ACRV1: variants seen among roughly 807,000 people sequenced by gnomAD.
ACRV1 encodes the protein acrosomal protein SP-10.
In ACRV1, 17 loss-of-function variants were observed where a neutral mutation model predicts 29.2. The ratio of observed to expected loss-of-function variants is 0.58; its 90% CI spans 0.40 to 0.87. The LOEUF (loss-of-function observed/expected upper bound fraction) is 0.87, where lower values mean the gene tolerates loss of function less well. Ranked by LOEUF, ACRV1 falls within the 40% of genes least tolerant of loss-of-function variation. ACRV1 has a pLI of 0.00. For synonymous variants in ACRV1, 98 were observed against 111.6 expected (o/e 0.88, Z 0.77); for missense variants, 294 against 316.0 (o/e 0.93, Z 0.53).
In ACRV1 at chr11:125,677,834, T is replaced by C. The variant is rs780614266; in HGVS notation, c.516A>G (p.Glu172=). The change falls in exon 2 of 4, where the codon GAA becomes GAG. Residue 172 remains glutamate, a synonymous_variant. Coordinates refer to ENST00000533904, the MANE Select transcript of ACRV1 (RefSeq NM_001612.6). ...TTGAAATTGGTGCACCTGAAGCCTG[T>C]TCCCCTGAAGCGTGCTCACCTGAAG... ...EQPSGEHASG[E]QASGAPISST... is the part of the protein sequence containing the mutation. 4.3e-6 allele frequency: 7 copies of C among 1,614,016 alleles called. No homozygotes were observed. The African/African-American group carries it at 9.3e-5, about 22-fold the overall frequency.
At chr11:125,674,683 T>C (rs1220050476) in intron 3 of ACRV1, among the ~76,000 whole-genome samples, 2 of 152,196 alleles carry the variant, frequency 1.3e-5, no homozygotes, top group African/African-American at 4.8e-5. Flanking sequence ...TTGACCAACC[T>C]GGATGGGCTA....
At chr11:125,673,935 G>A (rs1476097961) in intron 3 of ACRV1, among the ~76,000 whole-genome samples, 3 of 152,158 alleles carry the variant, frequency 2.0e-5, no homozygotes, top group East Asian at 3.8e-4. Flanking sequence ...GAGGCAGGTG[G>A]ATCACTTGAG....
intron 3 of ACRV1, 57 bp downstream of exon 3, chr11:125,676,302 C>T (rs1942503996): frequency 6.3e-7 from 1 of 1,598,914 alleles, no homozygotes; most frequent in Non-Finnish European, 8.6e-7. Context: ...CTGCCCCCTA[C>T]CAGAAGTAAG....
At position 125,671,884 on chromosome 11, in the gene ACRV1, C is replaced by T. The variant is rs113969301; in HGVS notation, c.*709G>A. 5 of 152,072 alleles carry T rather than the reference C, an allele frequency of 3.3e-5. No homozygotes were observed. Among genetic ancestry groups the T allele is most frequent in the African/African-American group, 1.2e-4 (5 of 41,394 alleles). 9.4% of individuals were successfully genotyped at this position (152,072 alleles called of 1,614,324 possible). On this transcript the variant is annotated 3_prime_UTR_variant, in exon 4 of 4. Transcript: ENST00000533904. Reference sequence around the variant, plus strand: ...AGAACATAACACTTATATGAGGGACCGTTTAGTATTTCCATTTGCCCTCCT... The same window carrying T: ...AGAACATAACACTTATATGAGGGACTGTTTAGTATTTCCATTTGCCCTCCT...
Position 125,680,731 on chromosome 11 carries a change from C to T in ACRV1, c.50G>A (p.Arg17Lys). 6.2e-7 allele frequency: 1 copy of T among 1,613,596 alleles called. No homozygotes were observed. Residue 17 changes from arginine to lysine, a missense_variant and splice_region_variant, in exon 1 of 4, where the codon AGA becomes AAA. Coordinates refer to ENST00000533904, the MANE Select transcript of ACRV1 (RefSeq NM_001612.6). ...TGAAGCCTAGATCAAACACTCACCTCTGGCAGATCCAAGCAGATAAAGACT... is the reference window on the plus strand; with the variant it reads ...TGAAGCCTAGATCAAACACTCACCTTTGGCAGATCCAAGCAGATAAAGACT... ...LMSLYLLGSA[R>K]GTSSQPNELS...
At chr11:125,673,558 A>G (rs2134106545) in intron 3 of ACRV1, among the ~76,000 whole-genome samples, 1 of 152,228 alleles carries the variant, frequency 6.6e-6, no homozygotes, top group South Asian at 2.1e-4. Context: ...CCCACTGCTC[A>G]TCTACTCCTC....
chr11:125,677,424 G>A (rs1351287034), intron 2 of ACRV1, among the ~76,000 whole-genome samples: 1 of 152,188 alleles, frequency 6.6e-6, no homozygotes, highest in Non-Finnish European at 1.5e-5. Context: ...TTCTAACATG[G>A]TTTAAGAGGC....
intron 1 of ACRV1, among the ~76,000 whole-genome samples, chr11:125,678,613 G>T (rs1565397207): frequency 6.6e-6 from 1 of 152,024 alleles, no homozygotes; most frequent in East Asian, 1.9e-4. Flanking sequence ...AAATGAATGT[G>T]CCTCCCTGAC....
chr11:125,676,504 A>T, intron 2 of ACRV1, 26 bp from the exon 3 acceptor site: 1 of 1,613,770 alleles, frequency 6.2e-7, no homozygotes, highest in Non-Finnish European at 8.5e-7. Flanking sequence ...AAGCCTGATG[A>T]CATTTCCTTG....
intron 3 of ACRV1, 98 bp downstream of exon 3, chr11:125,676,261 T>A: frequency 1.4e-6 from 2 of 1,451,478 alleles, no homozygotes; most frequent in Non-Finnish European, 1.9e-6. Context: ...TTCAAGTTCC[T>A]TGATTCTTTC....
Position 125,672,611 on chromosome 11 carries a change from A to G in ACRV1, c.780T>C (p.Ser260=). 6.2e-7 allele frequency: 1 copy of G among 1,614,124 alleles called. No individual in the cohort carries two copies. The highest frequency in any genetic ancestry group is 8.5e-7 in the Non-Finnish European group (1 of 1,180,016). Residue 260 remains serine, a synonymous_variant, in exon 4 of 4, where the codon TCT becomes TCC. Transcript: ENST00000533904. ...CAGGCTTCTAGATCTTATTGCAGAA[A>G]GATTGATTTCGACAGCATATAATTT... is the stretch of plus-strand genomic sequence containing the variant. ...RMQIICCRNQ[S]FCNKI
intron 3 of ACRV1, 128 bp from the exon 4 acceptor site, chr11:125,672,845 C>G: frequency 8.4e-7 from 1 of 1,195,712 alleles, no homozygotes; most frequent in South Asian, 1.9e-5. Context: ...CCTTCTCTTT[C>G]TCTTCTATTT....
intron 2 of ACRV1, 92 bp downstream of exon 2, chr11:125,677,705 T>C: frequency 6.6e-7 from 1 of 1,523,254 alleles, no homozygotes; most frequent in Non-Finnish European, 9.0e-7. Flanking sequence ...AATTCTTTCT[T>C]CTGCACTCCT....
chr11:125,676,931 G>GTC (rs149711765), intron 2 of ACRV1, among the ~76,000 whole-genome samples: 12,017 of 151,592 alleles, frequency 0.079, 565 homozygotes, highest in African/African-American at 0.13. Flanking sequence ...CCTGTGAAGA[G>GTC]TGTGTCCTTC....
At chr11:125,680,687 G>A in intron 1 of ACRV1, 42 bp downstream of exon 1, 1 of 1,566,668 alleles carries the variant, frequency 6.4e-7, no homozygotes, top group Non-Finnish European at 8.8e-7. Flanking sequence ...TCTTAAGGGA[G>A]ACCCCTTTTG....
intron 1 of ACRV1, among the ~76,000 whole-genome samples, chr11:125,679,144 A>G (rs1942671243): frequency 6.7e-6 from 1 of 148,692 alleles, no homozygotes; most frequent in African/African-American, 2.5e-5. Context: ...CCCACCTTAC[A>G]CTGGGAATTA....
chr11:125,673,809 G>T (rs1942337258), intron 3 of ACRV1, among the ~76,000 whole-genome samples: 1 of 152,066 alleles, frequency 6.6e-6, no homozygotes, highest in South Asian at 2.1e-4. Context: ...AATTTGTTGT[G>T]AAGGTCTGTC....
chr11:125,676,566 G>T, intron 2 of ACRV1, 88 bp from the exon 3 acceptor site: 1 of 1,484,462 alleles, frequency 6.7e-7, no homozygotes, highest in Non-Finnish European at 9.3e-7. Flanking sequence ...ATGGGCAATA[G>T]GTAGCATGGA....
At chr11:125,679,895 A>C (rs1188858192) in intron 1 of ACRV1, among the ~76,000 whole-genome samples, 1 of 152,240 alleles carries the variant, frequency 6.6e-6, no homozygotes, top group African/African-American at 2.4e-5. Context: ...CTTATTACAT[A>C]AATACTATCT....
Sources: allele counts gnomAD v4.1 joint callset (sites outside exome capture counted in the v4.1 genomes callset), GRCh38; gene constraint gnomAD v4.1.1; transcripts MANE v1.5; gene names NCBI Gene and HGNC (gene_info 2026-07-23, HGNC 2026-07-21).